CEP63: variants seen among roughly 807,000 people sequenced by gnomAD.
CEP63 encodes the protein centrosomal protein of 63 kDa.
Under a neutral mutation model 89.1 loss-of-function variants are expected in CEP63, and 84 were observed. That is an observed-to-expected ratio of 0.94 (90% CI 0.79 to 1.13). The LOEUF (loss-of-function observed/expected upper bound fraction) is 1.13. Ranked by LOEUF, CEP63 falls within the 50% of genes most tolerant of loss-of-function variation. CEP63 has a pLI of 0.00. For synonymous variants in CEP63, 267 were observed against 272.5 expected (o/e 0.98, Z 0.20); for missense variants, 838 against 813.3 (o/e 1.03, Z -0.37).
At chr3:134,698,812 A>C in the CEP63 span, among the ~76,000 whole-genome samples, 3 of 152,208 alleles carry the variant, frequency 2.0e-5, no homozygotes. Context: ...CAGGGTGAGC[A>C]CTTCATTCAT....
intron 12 of CEP63, among the ~76,000 whole-genome samples, chr3:134,554,145 C>A (rs1281062171): frequency 6.6e-6 from 1 of 151,910 alleles, no homozygotes; most frequent in African/African-American, 2.4e-5. Flanking sequence ...AGGTTAGTTA[C>A]CTATGTATAC....
At chr3:134,596,048 G>T in the CEP63 span, among the ~76,000 whole-genome samples, 4 of 104,306 alleles carry the variant, frequency 3.8e-5, no homozygotes, top group African/African-American at 1.5e-4. Context: ...GGAAAGGTTT[G>T]TTTGTTGGTC....
chr3:134,653,344 A>AC, the CEP63 span, among the ~76,000 whole-genome samples: 1 of 152,180 alleles, frequency 6.6e-6, no homozygotes, highest in African/African-American at 2.4e-5. Flanking sequence ...CAGTGTGAAC[A>AC]CCGCTTTGGA....
the CEP63 span, among the ~76,000 whole-genome samples, chr3:134,634,122 A>G: frequency 2.0e-5 from 3 of 152,234 alleles, no homozygotes; most frequent in Non-Finnish European, 4.4e-5. Flanking sequence ...TGACTTAAAT[A>G]GATGGGGAGA....
chr3:134,541,546 G>A (rs368504781), intron 6 of CEP63, among the ~76,000 whole-genome samples: 112 of 120,980 alleles, frequency 9.3e-4, no homozygotes, highest in African/African-American at 3.5e-3. Flanking sequence ...ACGGATTTTC[G>A]CTCTTGTTGC....
chr3:134,565,948 A>G (rs978918240), downstream of CEP63, among the ~76,000 whole-genome samples: 3 of 152,200 alleles, frequency 2.0e-5, no homozygotes, highest in African/African-American at 2.4e-5. Flanking sequence ...GGTTGATGGC[A>G]TAAGGCTGAC....
the CEP63 span, among the ~76,000 whole-genome samples, chr3:134,727,398 G>T: frequency 1.2e-4 from 19 of 152,168 alleles, no homozygotes; most frequent in Admixed American, 3.9e-4. Context: ...TATGTGCTTG[G>T]CAAACACAGA....
At chr3:134,677,721 C>T in the CEP63 span, among the ~76,000 whole-genome samples, 2 of 152,096 alleles carry the variant, frequency 1.3e-5, no homozygotes, top group African/African-American at 4.8e-5. Context: ...CTCCATTCCT[C>T]ATGACTGAAT....
the CEP63 span, chr3:134,780,649 A>G: frequency 6.6e-6 from 1 of 152,212 alleles, no homozygotes; most frequent in Admixed American, 6.5e-5. Flanking sequence ...TGACACATTT[A>G]TTTCATATTG....
In CEP63 at chr3:134,574,777, A is replaced by G. The variant is rs4586863; in HGVS notation, c.1330-16A>G. 579,048 of 581,452 alleles carry G rather than the reference A, an allele frequency of 1. 288,369 individuals carry two copies. The highest frequency in any genetic ancestry group is 1 in the East Asian group (31,726 of 31,730). The allele number at this position is 581,452 out of a possible 1,614,324, so 36.0% of individuals were successfully genotyped here. ...TGCCACCACACCTGGCTAATTTTTT[A>G]TATTTTTTTTTGTAGAGATGGGGTT... On this transcript the variant is annotated splice_polypyrimidine_tract_variant and intron_variant, in intron 11 of 11. Coordinates refer to the CEP63 transcript ENST00000354446.
chr3:134,737,215 G>T, the CEP63 span, among the ~76,000 whole-genome samples: 1 of 152,074 alleles, frequency 6.6e-6, no homozygotes, highest in Admixed American at 6.5e-5. Flanking sequence ...GAGATATAGA[G>T]AAATTTTTCA....
Position 134,564,953 on chromosome 3 carries a change from C to G in CEP63, c.*3418C>G, listed in dbSNP as rs1053274734. 2.3e-5 allele frequency: 23 copies of G among 979,996 alleles called. No individual in the cohort carries two copies. The highest frequency in any genetic ancestry group is 2.7e-5 in the Non-Finnish European group (22 of 825,048). 60.7% of individuals were successfully genotyped at this position (979,996 alleles called of 1,614,324 possible). A position where few individuals can be genotyped will look rare whatever the true frequency, so the allele number is the denominator to read the frequency against. ...AATGGGTTGTCCAAATTTGTCAGAA[C>G]ATTTGACTGTAATTTAATGTCTCAC... On this transcript the variant is annotated 3_prime_UTR_variant, in exon 15 of 15. Transcript: ENST00000675561.
the CEP63 span, among the ~76,000 whole-genome samples, chr3:134,613,768 G>A: frequency 4.6e-5 from 7 of 152,242 alleles, no homozygotes; most frequent in Non-Finnish European, 7.3e-5. Context: ...AGGTCATAAT[G>A]TAAAGCATTA....
chr3:134,485,991 G>GCCCCCCCCCCCCC (rs5852785), upstream of CEP63: 12 of 940,688 alleles, frequency 1.3e-5, 1 homozygote, highest in African/African-American at 2.1e-4. Context: ...CTCCTGCCAC[G>GCCCCCCCCCCCCC]CCCCCCCCCC....
chr3:134,601,047 A>G, the CEP63 span: 3 of 152,244 alleles, frequency 2.0e-5, no homozygotes, highest in Non-Finnish European at 4.4e-5. Flanking sequence ...TCCGCCGGCG[A>G]CTGGGACTCG....
chr3:134,583,482 A>G lies in CEP63; in HGVS notation c.1207-3976A>G, dbSNP rs1577518650. Among the ~76,000 whole-genome samples, 3 of 152,202 alleles carry G rather than the reference A, an allele frequency of 2.0e-5. No individual in the cohort carries two copies. In the South Asian group the frequency reaches 6.2e-4, roughly 32 times the overall value. ...TTTTTTCAGGTTTGTCAAAGATCAGATAGTTGTAGATGTGTGGTATTATTT... is the reference window on the plus strand; with the variant it reads ...TTTTTTCAGGTTTGTCAAAGATCAGGTAGTTGTAGATGTGTGGTATTATTT... On this transcript the variant is annotated intron_variant, in intron 10 of 10. Transcript: ENST00000683931.
chr3:134,507,931 G>T (rs1943882577), intron 3 of CEP63, among the ~76,000 whole-genome samples: 1 of 152,168 alleles, frequency 6.6e-6, no homozygotes, highest in African/African-American at 2.4e-5. Context: ...GCATTTATGT[G>T]TGAGAGTTGC....
Position 134,507,264 on chromosome 3 carries a change from A to G in CEP63, c.200A>G (p.Gln67Arg). 6.2e-7 allele frequency: 1 copy of G among 1,613,586 alleles called. No individual in the cohort carries two copies. Among genetic ancestry groups the G allele is most frequent in the South Asian group, 1.1e-5 (1 of 91,006 alleles). ...REQELKSLRS[Q>R]LDVTHKEVGM... Reference sequence around the variant, plus strand: ...CAGGAACTTAAGAGTCTTAGGAGTCAGTTGGATGTGACACATAAGGAGGTA... The same window carrying G: ...CAGGAACTTAAGAGTCTTAGGAGTCGGTTGGATGTGACACATAAGGAGGTA... The change falls in exon 3 of 15, where the codon CAG becomes CGG. Residue 67 changes from glutamine to arginine, a missense_variant. Physicochemically the swap from Gln to Arg is conservative, Grantham distance 43. Transcript: ENST00000675561.
chr3:134,518,932 T>A (rs536262933), intron 3 of CEP63, among the ~76,000 whole-genome samples: 1 of 151,898 alleles, frequency 6.6e-6, no homozygotes, highest in Non-Finnish European at 1.5e-5. Context: ...GGGGGGAAAA[T>A]AACTAATGTT....
Sources: allele counts gnomAD v4.1 joint callset (sites outside exome capture counted in the v4.1 genomes callset), GRCh38; gene constraint gnomAD v4.1.1; transcripts MANE v1.5; gene names NCBI Gene and HGNC (gene_info 2026-07-23, HGNC 2026-07-21).